The following BRAT1 variants were observed in gnomAD, a reference collection of about 807,000 sequenced individuals.
The protein encoded by BRAT1 is integrator complex assembly factor BRAT1.
A neutral mutation model predicts 70.6 loss-of-function variants in BRAT1; 74 were observed. The ratio of observed to expected loss-of-function variants is 1.05; its 90% CI spans 0.87 to 1.27. The LOEUF (loss-of-function observed/expected upper bound fraction) is 1.27. Ranked by LOEUF, BRAT1 falls within the 50% of genes most tolerant of loss-of-function variation. The pLI, the probability that BRAT1 is intolerant of heterozygous loss-of-function variation, is 0.00. For synonymous variants in BRAT1, 615 were observed against 517.1 expected (o/e 1.19, Z -2.57); for missense variants, 1,203 against 1,098.2 (o/e 1.10, Z -1.35).
chr7:2,553,962 A>G (rs1463253219), intron 2 of BRAT1, among the ~76,000 whole-genome samples: 1 of 152,132 alleles, frequency 6.6e-6, no homozygotes, highest in Non-Finnish European at 1.5e-5. Flanking sequence ...TTTCATAATC[A>G]GAAAGAAAAC....
Position 2,538,287 on chromosome 7 carries a change from C to A in BRAT1, c.2248G>T (p.Ala750Ser). ...CCCGCCCGCCACCTCGGCAGGGTGGCCTCTGCGGAGGCAGTGTTGGGGCTG... is the reference window on the plus strand; with the variant it reads ...CCCGCCCGCCACCTCGGCAGGGTGGACTCTGCGGAGGCAGTGTTGGGGCTG... ...RGSPNTASAE[A>S]TLPRWRAGEQ... The change falls in exon 14 of 14, where the codon GCC becomes TCC. Residue 750 changes from alanine to serine, a missense_variant. By Grantham distance (99) the Ala-to-Ser change is moderately conservative. Transcript: ENST00000340611. 1 of 1,612,380 alleles carries A rather than the reference C, an allele frequency of 6.2e-7. No individual in the cohort carries two copies. The highest frequency in any genetic ancestry group is 8.5e-7 in the Non-Finnish European group (1 of 1,179,704).
Position 2,538,173 on chromosome 7 carries a change from G to A in BRAT1, c.2362C>T (p.Leu788=). 1.2e-6 allele frequency: 2 copies of A among 1,609,038 alleles called. No homozygotes were observed. The highest frequency in any genetic ancestry group is 1.7e-6 in the Non-Finnish European group (2 of 1,177,296). The change falls in exon 14 of 14, where the codon CTG becomes TTG. Residue 788 remains leucine, a synonymous_variant. Transcript: ENST00000340611. ...SLDLEGLRST[L]AESSDHVEKS... ...TCCACGTGGTCGCTGCTCTCGGCCAGCGTGCTCCGCAGGCCCTCCAGGTCT... is the reference window on the plus strand; with the variant it reads ...TCCACGTGGTCGCTGCTCTCGGCCAACGTGCTCCGCAGGCCCTCCAGGTCT...
chr7:2,546,515 C>G (rs1483541084), intron 3 of BRAT1, among the ~76,000 whole-genome samples: 2 of 152,074 alleles, frequency 1.3e-5, no homozygotes, highest in Non-Finnish European at 2.9e-5. Context: ...AGACGGATCA[C>G]TTGAGGTCAA....
chr7:2,543,130 G>A lies in BRAT1; in HGVS notation c.923+74C>T. The A allele has an allele frequency of 6.8e-7, 1 of 1,479,742 alleles. No individual in the cohort carries two copies. Among genetic ancestry groups the A allele is most frequent in the African/African-American group, 1.4e-5 (1 of 70,002 alleles). The allele number at this position is 1,479,742 out of a possible 1,614,324, so 91.7% of individuals were successfully genotyped here. On this transcript the variant is annotated intron_variant, in intron 6 of 13. Coordinates refer to ENST00000340611, the MANE Select transcript of BRAT1 (RefSeq NM_152743.4). The surrounding 1 kb of genome is among the most constrained non-coding windows in gnomAD (Gnocchi z 5.5). ...TGTCCGGAACTCCCCTGCCATGAGG[G>A]CTGCGCTCTCAACCTCCCTGCCTGC...
At chr7:2,555,293 G>C (rs1036416456) in intron 1 of BRAT1, among the ~76,000 whole-genome samples, 194 bp downstream of exon 1, 2 of 152,088 alleles carry the variant, frequency 1.3e-5, no homozygotes, top group African/African-American at 4.8e-5. Context: ...AGTCAGTTTT[G>C]GCCGCGAGCG....
In BRAT1 at chr7:2,543,830, C is replaced by G. The variant is rs768334794; in HGVS notation, c.563G>C (p.Gly188Ala). 10 of 1,612,978 alleles carry G rather than the reference C, an allele frequency of 6.2e-6. No homozygotes were observed. The East Asian group carries it at 6.7e-5, about 11-fold the overall frequency. Residue 188 changes from glycine (G) to alanine (A), a missense_variant, in exon 5 of 14, where the codon GGG becomes GCG. By Grantham distance (60) the Gly-to-Ala change is moderately conservative. Transcript: ENST00000340611. This position sits in a 1 kb window ranked among gnomAD's most constrained non-coding sequence, Gnocchi z 5.5. ...GGAEGQPCLP[G>A]GDWPACAQKI... ...CTGGGCACACGCGGGCCAGTCACCC[C>G]CCGGCAGGCAGGGCTGCCCCTCGGC...
rs1456003891 is a variant in BRAT1, at chr7:2,547,477, C to T, written c.129G>A (p.Glu43=). 6.2e-7 allele frequency: 1 copy of T among 1,613,900 alleles called. No individual in the cohort carries two copies. Among genetic ancestry groups the T allele is most frequent in the South Asian group, 1.1e-5 (1 of 91,078 alleles). Residue 43 remains glutamate (E), a splice_region_variant and synonymous_variant, in exon 3 of 14, where the codon GAG becomes GAA. Transcript: ENST00000340611. The part of the protein sequence containing the change: ...LDWFKTVTEG[E]SSVVLLQEHP... ...GCTCCTGCAGCAGCACGACACTGGA[C>T]TCTGTGGGGATGGCCCAGCCCAGGG... is the stretch of plus-strand genomic sequence containing the variant.
At position 2,538,323 on chromosome 7, in the gene BRAT1, C is replaced by T; in HGVS notation, c.2212G>A (p.Glu738Lys). ...GCAGTGTTGGGGCTGCCCCTGGCCT[C>T]CCGCAGGCTGCTGTAGGAAGCAATC... ...DKIASYSSLR[E>K]ARGSPNTASA... The change falls in exon 14 of 14, where the codon GAG becomes AAG. Residue 738 changes from glutamate to lysine, a missense_variant. By Grantham distance (56) the Glu-to-Lys change is moderately conservative. Coordinates refer to ENST00000340611, the MANE Select transcript of BRAT1 (RefSeq NM_152743.4). 1 of 1,613,060 alleles carries T rather than the reference C, an allele frequency of 6.2e-7. No individual in the cohort carries two copies. The highest frequency in any genetic ancestry group is 8.5e-7 in the Non-Finnish European group (1 of 1,179,914).
At position 2,547,427 on chromosome 7, in the gene BRAT1, G is replaced by C. The variant is rs373847223; in HGVS notation, c.179C>G (p.Ser60Cys). Residue 60 changes from serine (S) to cysteine (C), a missense_variant, in exon 3 of 14, where the codon TCC becomes TGC. Coordinates refer to ENST00000340611, the MANE Select transcript of BRAT1 (RefSeq NM_152743.4). ...QEHPCLVELL[S>C]HVLKVQDLSS... is the part of the protein sequence containing the mutation. ...CAGGTCCTGGACTTTCAGCACATGG[G>C]ACAGCAGCTCCACCAGGCAGGGGTG... 2.5e-6 allele frequency: 4 copies of C among 1,613,990 alleles called. No individual in the cohort carries two copies. In the African/African-American group the frequency reaches 4.0e-5, roughly 16 times the overall value.
chr7:2,544,796 C>A (rs1364258839), intron 4 of BRAT1, 113 bp downstream of exon 4: 2 of 1,444,400 alleles, frequency 1.4e-6, no homozygotes, highest in African/African-American at 2.9e-5. Flanking sequence ...GCAGTCTTTG[C>A]AACAACCCTG....
intron 4 of BRAT1, chr7:2,544,246 AG>A: frequency 4.3e-6 from 1 of 231,344 alleles, no homozygotes; most frequent in South Asian, 1.2e-4. Flanking sequence ...TCTGTTGCCC[AG>A]GGTGGAGTAC....
Position 2,539,635 on chromosome 7 carries a change from G to C in BRAT1, c.1506C>G (p.Phe502Leu). The change falls in exon 12 of 14, where the codon TTC (phenylalanine) becomes TTG (leucine). Residue 502 changes from phenylalanine to leucine, a missense_variant. Transcript: ENST00000340611. ...GGCACAGGCGTTTCTGCAGCACAGG[G>C]AACAGCTCTAGGGTGGGAAGGGACA... ...PLIPQFLREL[F>L]PVLQKRLCHP... is the part of the protein sequence containing the mutation. 6 of 1,594,022 alleles carry C rather than the reference G, an allele frequency of 3.8e-6. No individual in the cohort carries two copies. Among genetic ancestry groups the C allele is most frequent in the Non-Finnish European group, 5.1e-6 (6 of 1,169,588 alleles).
intron 10 of BRAT1, 38 bp from the exon 11 acceptor site, chr7:2,539,926 C>T (rs767244180): frequency 9.8e-5 from 138 of 1,402,408 alleles, no homozygotes; most frequent in Admixed American, 2.1e-4. Flanking sequence ...CCACGGGAGA[C>T]GGAGGGGCAG....
Position 2,554,079 on chromosome 7 carries a change from C to T in BRAT1, c.127+226G>A, listed in dbSNP as rs11974537. On this transcript the variant is annotated intron_variant, in intron 2 of 13. Coordinates refer to ENST00000340611, the MANE Select transcript of BRAT1 (RefSeq NM_152743.4). ...TTGGGGTGCCCTGATCGTGGCTCAA[C>T]TGGCTGAATTTCAGGCTCTAACTCT... Among the ~76,000 whole-genome samples, 68,524 of 152,042 alleles carry T rather than the reference C, an allele frequency of 0.45. 17,105 individuals carry two copies. Among genetic ancestry groups the T allele is most frequent in the African/African-American group, 0.67 (27,936 of 41,466 alleles).
intron 4 of BRAT1, 39 bp downstream of exon 4, chr7:2,544,870 G>A: frequency 1.9e-6 from 3 of 1,545,156 alleles, no homozygotes; most frequent in South Asian, 2.4e-5. Flanking sequence ...GGATCACACA[G>A]GCAGGATGAG....
At chr7:2,547,506 ACCAGGGGTAC>A (rs1341552248) in intron 2 of BRAT1, 28 bp from the exon 3 acceptor site, 1 of 1,607,258 alleles carries the variant, frequency 6.2e-7, no homozygotes, top group Non-Finnish European at 8.5e-7. Context: ...CCCAGGGGTC[ACCAGGGGTAC>A]GGCACCAGGT....
chr7:2,547,562 C>A, intron 2 of BRAT1, 84 bp from the exon 3 acceptor site: 2 of 1,460,898 alleles, frequency 1.4e-6, no homozygotes, highest in Non-Finnish European at 9.4e-7. Flanking sequence ...CTAGCAATTC[C>A]CAGACCCTTT....
rs1390157472 is a variant in BRAT1, at chr7:2,541,499, G to A, written c.1135-15C>T. The stretch of plus-strand genomic sequence containing the variant: ...GGGCGCTGGGGCTGCGAGGAAGAGG[G>A]CCGTCAGCCAAGGTTGCGGTCCCAC... On this transcript the variant is annotated splice_polypyrimidine_tract_variant and intron_variant, in intron 8 of 13. Transcript: ENST00000340611. 7.9e-6 allele frequency: 12 copies of A among 1,521,720 alleles called. No individual in the cohort carries two copies. The highest frequency in any genetic ancestry group is 1.1e-5 in the Non-Finnish European group (12 of 1,131,208). The allele number at this position is 1,521,720 out of a possible 1,614,324, so 94.3% of individuals were successfully genotyped here. A position where few individuals can be genotyped will look rare whatever the true frequency, so the allele number is the denominator to read the frequency against.
rs150942467 is a variant in BRAT1 at position 2,542,173 on chromosome 7, A to C, written c.962T>G (p.Leu321Arg). ...ALRTQAFQVL[L>R]QPLACVLKAT... ...CTTCAGGACACAGGCCAGGGGCTGG[A>C]GAAGGACCTGGAAGGCCTGGGTCCT... The change falls in exon 7 of 14, where the codon CTC (leucine) becomes CGC (arginine). Residue 321 changes from leucine to arginine, a missense_variant. Transcript: ENST00000340611. The C allele has an allele frequency of 8.4e-3, 13,167 of 1,571,350 alleles. 65 individuals are homozygous for C. The highest frequency in any genetic ancestry group is 9.6e-3 in the Non-Finnish European group (11,135 of 1,158,218).
Sources: gnomAD v4.1 joint callset for allele counts (sites outside exome capture counted in the v4.1 genomes callset) on GRCh38, gnomAD v4.1.1 for gene constraint, Gnocchi (gnomAD v3.1) non-coding constraint, MANE v1.5 for transcripts, NCBI Gene and HGNC (gene_info 2026-07-23, HGNC 2026-07-21) for gene names.